The following MAP2 variants were observed in gnomAD, a reference collection of about 807,000 sequenced individuals.
MAP2 encodes microtubule associated protein 2.
MAP2 carries 14 observed loss-of-function variants against 137.6 expected under a neutral mutation model. The ratio of observed to expected loss-of-function variants is 0.10; its 90% CI spans 0.07 to 0.16. MAP2 has a LOEUF of 0.16. MAP2 is among the 10% of genes least tolerant of loss of function. MAP2 has a pLI of 1.00. For synonymous variants in MAP2, 786 were observed against 782.3 expected (o/e 1.00, Z -0.08); for missense variants, 2,088 against 2,191.5 (o/e 0.95, Z 0.94).
In MAP2 at chr2:209,731,229, T is replaced by G. The variant is rs1280886308; in HGVS notation, c.*832T>G. On this transcript the variant is annotated 3_prime_UTR_variant, in exon 16 of 16. Coordinates refer to ENST00000682079, the MANE Select transcript of MAP2 (RefSeq NM_001375505.1). ...TGATACTTCCTCATATACTTGAATATTATACTTCTTTATTCACAGTATCTG... is the reference window on the plus strand; with the variant it reads ...TGATACTTCCTCATATACTTGAATAGTATACTTCTTTATTCACAGTATCTG... 1.3e-5 allele frequency: 2 copies of G among 152,380 alleles called. No homozygotes were observed. The highest frequency in any genetic ancestry group is 3.9e-4 in the East Asian group (2 of 5,194). The allele number at this position is 152,380 out of a possible 1,614,324, so 9.4% of individuals were successfully genotyped here. A position where few individuals can be genotyped will look rare whatever the true frequency, so the allele number is the denominator to read the frequency against.
intron 1 of MAP2, among the ~76,000 whole-genome samples, chr2:209,497,728 A>T (rs1190147998): frequency 6.6e-6 from 1 of 152,134 alleles, no homozygotes; most frequent in Admixed American, 6.6e-5. Flanking sequence ...AGAAAGAGAG[A>T]GTAGAATGGG....
chr2:209,675,411 T>C (rs927475968), intron 5 of MAP2, among the ~76,000 whole-genome samples: 3 of 151,916 alleles, frequency 2.0e-5, no homozygotes, highest in African/African-American at 7.2e-5. Context: ...TGATACTGCT[T>C]TGCTGAAACT....
chr2:209,601,608 A>G (rs1295304551), intron 3 of MAP2, among the ~76,000 whole-genome samples: 2 of 152,142 alleles, frequency 1.3e-5, no homozygotes, highest in African/African-American at 4.8e-5. Flanking sequence ...TTATTTCTTT[A>G]GTGTTTTCCT....
Position 209,696,148 on chromosome 2 carries a change from T to C in MAP2, c.3978T>C (p.His1326=). The change falls in exon 8 of 16, where the codon CAT becomes CAC. Residue 1326 remains histidine, a synonymous_variant. Transcript: ENST00000682079. ...AGGTGGAAAGGAGACCATCTCCTCA[T>C]GATGAAGAAGAGTTTGAAGTAGAAG... ...QPEVERRPSP[H]DEEEFEVEEA... 2 of 1,612,900 alleles carry C rather than the reference T, an allele frequency of 1.2e-6. No homozygotes were observed. The highest frequency in any genetic ancestry group is 2.2e-5 in the South Asian group (2 of 90,864).
intron 1 of MAP2, among the ~76,000 whole-genome samples, chr2:209,460,695 T>G (rs1702565600): frequency 6.6e-6 from 1 of 152,076 alleles, no homozygotes; most frequent in Non-Finnish European, 1.5e-5. Flanking sequence ...TTCTCTTTCT[T>G]CTGTTTGTGG....
At chr2:209,572,793 G>T (rs2074612229) in intron 2 of MAP2, among the ~76,000 whole-genome samples, 1 of 152,152 alleles carries the variant, frequency 6.6e-6, no homozygotes, top group Non-Finnish European at 1.5e-5. Flanking sequence ...CGTTGATGGT[G>T]TATAGTTAAT....
chr2:209,727,508 C>T (rs2074497666), intron 14 of MAP2, among the ~76,000 whole-genome samples: 1 of 152,180 alleles, frequency 6.6e-6, no homozygotes, highest in Non-Finnish European at 1.5e-5. Flanking sequence ...TTGTCATGGA[C>T]TCCCACCTAT....
At chr2:209,494,008 C>G (rs2059438910) in intron 1 of MAP2, among the ~76,000 whole-genome samples, 1 of 152,118 alleles carries the variant, frequency 6.6e-6, no homozygotes, top group Non-Finnish European at 1.5e-5. Flanking sequence ...GCACTCTTCA[C>G]AATAGCAAAG....
intron 1 of MAP2, among the ~76,000 whole-genome samples, chr2:209,427,091 G>C (rs993784): frequency 0.56 from 85,883 of 152,038 alleles, 26,118 homozygotes; most frequent in African/African-American, 0.79. Flanking sequence ...GTGATTCATT[G>C]ATGTCCTTTT....
At chr2:209,481,829 C>A (rs1708852598) in intron 1 of MAP2, among the ~76,000 whole-genome samples, 1 of 152,146 alleles carries the variant, frequency 6.6e-6, no homozygotes, top group Non-Finnish European at 1.5e-5. Context: ...CTCTCTTCTT[C>A]TGTGTTATTG....
At chr2:209,487,533 A>G (rs1282153120) in intron 1 of MAP2, among the ~76,000 whole-genome samples, 1 of 152,236 alleles carries the variant, frequency 6.6e-6, no homozygotes, top group Non-Finnish European at 1.5e-5. Context: ...GGTTTATCCT[A>G]CATGTTTACA....
At chr2:209,576,715 G>C (rs1351254494) in intron 2 of MAP2, among the ~76,000 whole-genome samples, 1 of 152,180 alleles carries the variant, frequency 6.6e-6, no homozygotes, top group East Asian at 1.9e-4. Flanking sequence ...CTGTCAGACA[G>C]AAGAAGGGTA....
chr2:209,450,737 G>A (rs985101925), intron 1 of MAP2, among the ~76,000 whole-genome samples: 1 of 152,172 alleles, frequency 6.6e-6, no homozygotes, highest in South Asian at 2.1e-4. Context: ...AAGGACTGTA[G>A]CTCATTGGAA....
At chr2:209,524,966 G>A (rs1275029845) in intron 2 of MAP2, among the ~76,000 whole-genome samples, 7 of 151,942 alleles carry the variant, frequency 4.6e-5, no homozygotes, top group East Asian at 3.8e-4. Flanking sequence ...TTTTTGTCTC[G>A]TCTGCTAAGC....
chr2:209,664,758 G>A (rs1001486169), intron 5 of MAP2, among the ~76,000 whole-genome samples: 1 of 151,728 alleles, frequency 6.6e-6, no homozygotes, highest in African/African-American at 2.4e-5. Context: ...TCAGGAGATC[G>A]GGACTATCCT....
At chr2:209,592,832 T>C (rs912743688) in intron 3 of MAP2, among the ~76,000 whole-genome samples, 5 of 152,188 alleles carry the variant, frequency 3.3e-5, no homozygotes, top group African/African-American at 1.2e-4. Context: ...TGGTTTGCTC[T>C]TCTTTGATAT....
intron 4 of MAP2, among the ~76,000 whole-genome samples, chr2:209,641,452 A>G (rs920426751): frequency 2.0e-5 from 3 of 151,984 alleles, no homozygotes; most frequent in Non-Finnish European, 4.4e-5. Context: ...TTCTCCTTAT[A>G]AAGAAAAATT....
intron 4 of MAP2, among the ~76,000 whole-genome samples, chr2:209,643,900 C>T (rs1036582137): frequency 1.2e-4 from 19 of 152,142 alleles, no homozygotes; most frequent in African/African-American, 4.6e-4. Flanking sequence ...AGTCATGTGA[C>T]CTATCAACAT....
rs1218247746 is a variant in MAP2, at chr2:209,693,342, C to T, written c.1172C>T (p.Pro391Leu). 2 of 1,612,974 alleles carry T rather than the reference C, an allele frequency of 1.2e-6. No individual in the cohort carries two copies. Among genetic ancestry groups the T allele is most frequent in the East Asian group, 2.2e-5 (1 of 44,860 alleles). ...CCACCCTCAGAGGCAATGACCTTAC[C>T]CAAAGATGCTCACATTCCAGTTGTA... ...EAPPSEAMTLPKDAHIPVVEE... is the reference protein window; with the variant it reads ...EAPPSEAMTLLKDAHIPVVEE... Residue 391 changes from proline to leucine, a missense_variant, in exon 8 of 16, where the codon CCC (proline) becomes CTC (leucine). Pro to Leu is a moderately conservative substitution (Grantham distance 98). Coordinates refer to ENST00000682079, the MANE Select transcript of MAP2 (RefSeq NM_001375505.1).
Sources: allele counts gnomAD v4.1 joint callset (sites outside exome capture counted in the v4.1 genomes callset), GRCh38; gene constraint gnomAD v4.1.1; transcripts MANE v1.5; gene names NCBI Gene and HGNC (gene_info 2026-07-23, HGNC 2026-07-21).